The following THSD4 variants were observed in gnomAD, a reference collection of about 807,000 sequenced individuals.
THSD4 encodes the protein thrombospondin type 1 domain containing 4.
THSD4 carries 69 observed loss-of-function variants against 119.0 expected under a neutral mutation model. The observed-to-expected ratio is 0.58, with a 90% CI of 0.48 to 0.71. The LOEUF (loss-of-function observed/expected upper bound fraction) is 0.71, where lower values mean the gene tolerates loss of function less well. THSD4 is among the 30% of genes least tolerant of loss of function. The probability of loss-of-function intolerance (pLI) is 0.00; values close to 1 mark genes in which losing one functional copy is unlikely to be tolerated. For synonymous variants in THSD4, 524 were observed against 540.4 expected, an observed-to-expected ratio of 0.97 and a Z score of 0.42; for missense variants, 1,393 against 1,391.1, an observed-to-expected ratio of 1.00 and a Z score of -0.02.
chr15:71,156,077 T>G (rs917962380), intron 3 of THSD4, among the ~76,000 whole-genome samples: 1 of 152,158 alleles, frequency 6.6e-6, no homozygotes, highest in Non-Finnish European at 1.5e-5. Flanking sequence ...GAGCAGATCC[T>G]TGATCAATGT....
chr15:71,669,507 T>G (rs559285788), intron 8 of THSD4, among the ~76,000 whole-genome samples: 1 of 152,200 alleles, frequency 6.6e-6, no homozygotes, highest in African/African-American at 2.4e-5. Context: ...TCCTTTTTTT[T>G]TGTGGCTGTT....
chr15:71,731,004 A>T lies in THSD4; in HGVS notation c.1534-117A>T, dbSNP rs569227407. Reference sequence around the variant, plus strand: ...GCCACAGGTTCACTGATATTACTGGATGCGTACTAGAGTGAACCAACCCAG... The same window carrying T: ...GCCACAGGTTCACTGATATTACTGGTTGCGTACTAGAGTGAACCAACCCAG... On this transcript the variant is annotated intron_variant, in intron 9 of 17. Coordinates refer to ENST00000261862, the MANE Select transcript of THSD4 (RefSeq NM_024817.3). The T allele has an allele frequency of 2.6e-4, 212 of 808,894 alleles. 1 individual carries two copies. The South Asian group carries it at 3.1e-3, about 12-fold the overall frequency. 50.1% of individuals were successfully genotyped at this position (808,894 alleles called of 1,614,324 possible).
At position 71,681,471 on chromosome 15, in the gene THSD4, G is replaced by A. The variant is rs141912064; in HGVS notation, c.1357+20737G>A. The stretch of plus-strand genomic sequence containing the variant: ...GCAGGTGGATCACCTGAGGTCAGGC[G>A]TTCCAGACCAGCCTGGCCAACATGG... On this transcript the variant is annotated intron_variant, in intron 8 of 17. Coordinates refer to ENST00000261862, the MANE Select transcript of THSD4 (RefSeq NM_024817.3). Among the ~76,000 whole-genome samples, 209 of 151,864 alleles carry A rather than the reference G, an allele frequency of 1.4e-3. 1 individual carries two copies. Among genetic ancestry groups the A allele is most frequent in the Middle Eastern group, 0.014 (4 of 292 alleles).
rs566194751 is a variant in THSD4, at chr15:71,674,875, C to T, written c.1357+14141C>T. On this transcript the variant is annotated intron_variant, in intron 8 of 17. Transcript: ENST00000261862. ...CAGTGAAGAATTATTCAGCTCTAAA[C>T]CTCAGTGGTGCTGAAGTAAGAAACC... 1.1e-3 allele frequency among the ~76,000 whole-genome samples: 161 copies of T among 152,294 alleles called. 1 individual carries two copies. The highest frequency in any genetic ancestry group is 1.8e-3 in the Non-Finnish European group (125 of 68,014).
intron 8 of THSD4, among the ~76,000 whole-genome samples, chr15:71,663,087 C>CA (rs1476711382): frequency 2.6e-5 from 4 of 151,756 alleles, no homozygotes; most frequent in Non-Finnish European, 4.4e-5. Flanking sequence ...CCCATCTCTA[C>CA]AAAAAAATTT....
Position 71,215,092 on chromosome 15 carries a change from C to T in THSD4, c.157C>T (p.Pro53Ser). 7.6e-7 allele frequency: 1 copy of T among 1,319,952 alleles called. No individual in the cohort carries two copies. The highest frequency in any genetic ancestry group is 2.2e-5 in the South Asian group (1 of 44,620). 81.8% of individuals were successfully genotyped at this position (1,319,952 alleles called of 1,614,324 possible). A position where few individuals can be genotyped will look rare whatever the true frequency, so the allele number is the denominator to read the frequency against. ...CGAGGACGACGGCGGCGGCGGCGCCCCGGGAGTGTGGGGCGCCTGGGGCCC... is the reference window on the plus strand; with the variant it reads ...CGAGGACGACGGCGGCGGCGGCGCCTCGGGAGTGTGGGGCGCCTGGGGCCC... ...APEDDGGGGAPGVWGAWGPWS... is the reference protein window; with the variant it reads ...APEDDGGGGASGVWGAWGPWS... Residue 53 changes from proline to serine, a missense_variant, in exon 4 of 18, where the codon CCG becomes TCG. Transcript: ENST00000261862.
At chr15:71,360,196 G>A (rs910351913) in intron 6 of THSD4, among the ~76,000 whole-genome samples, 2 of 152,118 alleles carry the variant, frequency 1.3e-5, no homozygotes, top group South Asian at 4.1e-4. Flanking sequence ...AGCTCGTGTT[G>A]TGTTGGCTTC....
intron 7 of THSD4, among the ~76,000 whole-genome samples, chr15:71,580,354 A>G (rs921519746): frequency 6.6e-6 from 1 of 152,210 alleles, no homozygotes; most frequent in African/African-American, 2.4e-5. Context: ...TTATTGACAT[A>G]TAATTGACAA....
At chr15:71,476,751 C>T (rs2047660545) in intron 7 of THSD4, among the ~76,000 whole-genome samples, 2 of 152,228 alleles carry the variant, frequency 1.3e-5, no homozygotes, top group African/African-American at 2.4e-5. Context: ...AAACTCTCTG[C>T]TGAGCAGTTG....
At chr15:71,671,725 A>G (rs576958214) in intron 8 of THSD4, among the ~76,000 whole-genome samples, 2 of 152,284 alleles carry the variant, frequency 1.3e-5, no homozygotes, top group South Asian at 4.1e-4. Context: ...TCCCAGCACC[A>G]TTTATTAAAT....
At chr15:71,650,668 G>T (rs2051066021) in intron 7 of THSD4, among the ~76,000 whole-genome samples, 1 of 152,168 alleles carries the variant, frequency 6.6e-6, no homozygotes. Flanking sequence ...TGAAAATCAA[G>T]AAAGAGGCCA....
chr15:71,249,204 T>G (rs923001621), intron 5 of THSD4, among the ~76,000 whole-genome samples: 2 of 152,054 alleles, frequency 1.3e-5, no homozygotes, highest in African/African-American at 4.8e-5. Flanking sequence ...CACACACATA[T>G]ATATGTATAC....
chr15:71,635,243 G>A (rs140887766), intron 7 of THSD4, among the ~76,000 whole-genome samples: 98 of 152,246 alleles, frequency 6.4e-4, no homozygotes, highest in African/African-American at 2.3e-3. Flanking sequence ...TCGAATCCCT[G>A]TGGCACTTAC....
At chr15:71,332,892 A>ATTTTTTTTTTTTTTTTTTTT in intron 6 of THSD4, among the ~76,000 whole-genome samples, 6,871 of 76,302 alleles carry the variant, frequency 0.09, 1,475 homozygotes, top group Admixed American at 0.11. Context: ...ATTTTTTTAC[A>ATTTTTTTTTTTTTTTTTTTT]TTTTTTTTTT....
intron 6 of THSD4, among the ~76,000 whole-genome samples, chr15:71,292,685 T>C (rs1038142533): frequency 1.3e-5 from 2 of 150,952 alleles, no homozygotes; most frequent in African/African-American, 4.9e-5. Flanking sequence ...ATTTTTTTTT[T>C]TTTTTTTTTG....
At chr15:71,114,714 A>G (rs1333948068), upstream of THSD4, among the ~76,000 whole-genome samples, 1 of 152,194 alleles carries the variant, frequency 6.6e-6, no homozygotes, top group African/African-American at 2.4e-5. Flanking sequence ...TTTGATTTTT[A>G]TCATTACTAA....
chr15:71,679,619 C>G (rs184865581), intron 8 of THSD4, among the ~76,000 whole-genome samples: 1 of 152,352 alleles, frequency 6.6e-6, no homozygotes, highest in Admixed American at 6.5e-5. Flanking sequence ...GAGGCATGTT[C>G]TGGACTTAGT....
intron 7 of THSD4, among the ~76,000 whole-genome samples, chr15:71,582,082 G>C (rs896164891): frequency 5.3e-5 from 8 of 152,080 alleles, no homozygotes; most frequent in African/African-American, 1.9e-4. Flanking sequence ...CATTGACTCT[G>C]TAGATCACTT....
At chr15:71,727,549 A>T (rs1175502104) in intron 8 of THSD4, among the ~76,000 whole-genome samples, 3 of 108,552 alleles carry the variant, frequency 2.8e-5, no homozygotes, top group Non-Finnish European at 5.1e-5. Context: ...AAAAAAAAAA[A>T]AAAAATATAT....
Sources: allele counts gnomAD v4.1 joint callset (sites outside exome capture counted in the v4.1 genomes callset), GRCh38; gene constraint gnomAD v4.1.1; transcripts MANE v1.5; gene names NCBI Gene and HGNC (gene_info 2026-07-23, HGNC 2026-07-21).